PCSK5: variants seen among roughly 807,000 people sequenced by gnomAD.
PCSK5 encodes prohormone convertase 5.
In PCSK5, 129 loss-of-function variants were observed where a neutral mutation model predicts 233.2. The ratio of observed to expected loss-of-function variants is 0.55; its 90% CI spans 0.48 to 0.64. The LOEUF (loss-of-function observed/expected upper bound fraction) is 0.64, where lower values mean the gene tolerates loss of function less well. PCSK5 is among the 30% of genes least tolerant of loss of function. The pLI, the probability that PCSK5 is intolerant of heterozygous loss-of-function variation, is 0.00. For missense variants in PCSK5, 2,076 were observed against 2,430.1 expected, an observed-to-expected ratio of 0.85 and a Z score of 3.06; for synonymous variants, 825 against 879.2, an observed-to-expected ratio of 0.94 and a Z score of 1.09.
chr9:75,928,603 A>ATATATGTATATATATGTATG (rs1490527039), intron 1 of PCSK5, among the ~76,000 whole-genome samples: 5 of 92,606 alleles, frequency 5.4e-5, no homozygotes, highest in African/African-American at 2.6e-4. Flanking sequence ...ATACATATAT[A>ATATATGTATATATATGTATG]TATATATATA....
At chr9:76,010,481 G>C (rs1827684727) in intron 3 of PCSK5, among the ~76,000 whole-genome samples, 1 of 152,170 alleles carries the variant, frequency 6.6e-6, no homozygotes, top group African/African-American at 2.4e-5. Flanking sequence ...TGTTCACTAT[G>C]CCCTTTCTTC....
chr9:76,090,268 C>CT (rs558738023), intron 7 of PCSK5, among the ~76,000 whole-genome samples: 8,308 of 149,822 alleles, frequency 0.055, 243 homozygotes, highest in Middle Eastern at 0.069. Context: ...TCTTAAATTA[C>CT]TTTTTTTTTT....
Position 76,240,641 on chromosome 9 carries a change from A to G in PCSK5, c.3099A>G (p.Glu1033=), listed in dbSNP as rs890652363. The change falls in exon 24 of 38, where the codon GAA becomes GAG. Residue 1033 remains glutamate, a synonymous_variant. Transcript: ENST00000674117. Reference sequence around the variant, plus strand: ...GTGAAGTCCAAGACCCAGACTATGAAGAATGTGTCCCTTGTGAAGAAGGAT... The same window carrying G: ...GTGAAGTCCAAGACCCAGACTATGAGGAATGTGTCCCTTGTGAAGAAGGAT... The part of the protein sequence containing the change: ...GQGEVQDPDY[E]ECVPCEEGCL... The G allele has an allele frequency of 5.1e-6, 8 of 1,580,228 alleles. No individual in the cohort carries two copies. The highest frequency in any genetic ancestry group is 6.9e-6 in the Non-Finnish European group (8 of 1,161,474).
At chr9:76,001,490 G>A (rs1428384333) in intron 3 of PCSK5, among the ~76,000 whole-genome samples, 7 of 22,324 alleles carry the variant, frequency 3.1e-4, no homozygotes, top group Non-Finnish European at 1.8e-4. Flanking sequence ...TTTTTTTTTT[G>A]CCAACATAGT....
At chr9:75,976,285 C>CAT (rs1826012391) in intron 2 of PCSK5, among the ~76,000 whole-genome samples, 1 of 51,074 alleles carries the variant, frequency 2.0e-5, no homozygotes, top group South Asian at 4.9e-4. Flanking sequence ...CACACACACA[C>CAT]ACACACACAC....
intron 30 of PCSK5, among the ~76,000 whole-genome samples, chr9:76,315,793 C>G (rs538018683): frequency 1.3e-5 from 2 of 151,574 alleles, no homozygotes; most frequent in African/African-American, 4.8e-5. Flanking sequence ...CCATCAAGCT[C>G]GACTAATTTT....
At chr9:76,263,034 C>T (rs1827227886) in intron 24 of PCSK5, among the ~76,000 whole-genome samples, 2 of 152,048 alleles carry the variant, frequency 1.3e-5, no homozygotes, top group African/African-American at 4.8e-5. Flanking sequence ...AAAATGCTCA[C>T]CTTCACTGGC....
chr9:76,009,875 G>A (rs976202985), intron 3 of PCSK5, among the ~76,000 whole-genome samples: 4 of 152,086 alleles, frequency 2.6e-5, no homozygotes, highest in Non-Finnish European at 4.4e-5. Context: ...TAGCTCTGGT[G>A]GAGATTACCT....
At chr9:76,052,276 T>C (rs144160771) in intron 5 of PCSK5, among the ~76,000 whole-genome samples, 28 of 152,240 alleles carry the variant, frequency 1.8e-4, no homozygotes, top group Non-Finnish European at 3.7e-4. Flanking sequence ...TATACATACA[T>C]AAACCCTGTG....
chr9:76,187,158 A>G (rs1350137045), intron 17 of PCSK5, among the ~76,000 whole-genome samples: 3 of 152,116 alleles, frequency 2.0e-5, no homozygotes, highest in Non-Finnish European at 2.9e-5. Flanking sequence ...ATAAATTTTA[A>G]TTTTTTAAAT....
At position 75,979,249 on chromosome 9, in the gene PCSK5, G is replaced by A. The variant is rs943703645; in HGVS notation, c.298-6883G>A. 5.9e-5 allele frequency among the ~76,000 whole-genome samples: 9 copies of A among 151,922 alleles called. No individual in the cohort carries two copies. In the East Asian group the frequency reaches 1.4e-3, roughly 23 times the overall value. The stretch of plus-strand genomic sequence containing the variant: ...CCATAATTTAATTGAAAAGACAGAT[G>A]TTCATCAAAGCCGTCTAAAAAAAAA... On this transcript the variant is annotated intron_variant, in intron 2 of 37. Transcript: ENST00000674117.
chr9:76,204,455 CTCTCT>C (rs1471935054), intron 20 of PCSK5, among the ~76,000 whole-genome samples: 1 of 151,194 alleles, frequency 6.6e-6, no homozygotes, highest in Non-Finnish European at 1.5e-5. Context: ...CTTCCCTCTC[CTCTCT>C]TCTCCTCTCT....
At chr9:76,061,012 TTAAA>T (rs1564002609) in intron 5 of PCSK5, among the ~76,000 whole-genome samples, 1 of 152,170 alleles carries the variant, frequency 6.6e-6, no homozygotes, top group South Asian at 2.1e-4. Flanking sequence ...TGTATACAAA[TTAAA>T]TAGTCACTAA....
At chr9:76,312,771 G>A (rs1322722584) in intron 30 of PCSK5, among the ~76,000 whole-genome samples, 2 of 152,050 alleles carry the variant, frequency 1.3e-5, no homozygotes, top group South Asian at 2.1e-4. Context: ...TTGTATATGC[G>A]TAGCTCAGTG....
intron 25 of PCSK5, among the ~76,000 whole-genome samples, chr9:76,293,127 C>CT: frequency 6.6e-6 from 1 of 151,670 alleles, no homozygotes; most frequent in Non-Finnish European, 1.5e-5. Flanking sequence ...TGGCCTTTGG[C>CT]GGGTCACCTC....
At chr9:76,016,111 A>T (rs145892350) in intron 3 of PCSK5, among the ~76,000 whole-genome samples, 1 of 152,338 alleles carries the variant, frequency 6.6e-6, no homozygotes, top group African/African-American at 2.4e-5. Flanking sequence ...CTTCCCCCTG[A>T]CTGGGTTCCA....
chr9:75,942,858 T>C (rs938985565), intron 2 of PCSK5, among the ~76,000 whole-genome samples: 5 of 151,718 alleles, frequency 3.3e-5, no homozygotes, highest in Non-Finnish European at 7.4e-5. Flanking sequence ...TTTTTCTAGT[T>C]GTTGTGGTAT....
In PCSK5 at chr9:76,358,732, A is replaced by G; in HGVS notation, c.5474A>G (p.Glu1825Gly). Reference sequence around the variant, plus strand: ...TCCTCCTATAAGAGCAGCTATAGAGAGAGCACCAGCTTTGAAGAGGATCAG... The same window carrying G: ...TCCTCCTATAAGAGCAGCTATAGAGGGAGCACCAGCTTTGAAGAGGATCAG... ...SYSSYKSSYR[E>G]STSFEEDQVI... The change falls in exon 38 of 38, where the codon GAG (glutamate) becomes GGG (glycine). Residue 1825 changes from glutamate (E) to glycine (G), a missense_variant. Physicochemically the swap from Glu to Gly is moderately conservative, Grantham distance 98. Coordinates refer to ENST00000674117, the MANE Select transcript of PCSK5 (RefSeq NM_001372043.1). 2 of 1,612,904 alleles carry G rather than the reference A, an allele frequency of 1.2e-6. No homozygotes were observed. The highest frequency in any genetic ancestry group is 2.2e-5 in the South Asian group (2 of 91,082).
Position 76,188,662 on chromosome 9 carries a change from C to T in PCSK5, c.2367C>T (p.Cys789=), listed in dbSNP as rs200937449. The T allele has an allele frequency of 1.5e-4, 247 of 1,612,446 alleles. No homozygotes were observed. Among genetic ancestry groups the T allele is most frequent in the Middle Eastern group, 6.6e-4 (4 of 6,060 alleles). Residue 789 remains cysteine (C), a synonymous_variant, in exon 18 of 38, where the codon TGC becomes TGT. Coordinates refer to ENST00000674117, the MANE Select transcript of PCSK5 (RefSeq NM_001372043.1). The stretch of plus-strand genomic sequence containing the variant: ...ACTGCCAGCCCTGCCACCGCTTCTG[C>T]GCCACTTGTGCTGGTACCTTCCCTA... ...GQDCQPCHRF[C]ATCAGAGADG... is the part of the protein sequence containing the mutation.
Sources: allele counts gnomAD v4.1 joint callset (sites outside exome capture counted in the v4.1 genomes callset), GRCh38; gene constraint gnomAD v4.1.1; transcripts MANE v1.5; gene names NCBI Gene and HGNC (gene_info 2026-07-23, HGNC 2026-07-21).